The following RNF212B variants were observed in gnomAD, a reference collection of about 807,000 sequenced individuals.
RNF212B encodes E3 ubiquitin-protein ligase RNF212B.
A neutral mutation model predicts 55.5 loss-of-function variants in RNF212B; 52 were observed. The observed-to-expected ratio is 0.94, with a 90% CI of 0.75 to 1.18. The LOEUF (loss-of-function observed/expected upper bound fraction) is 1.18. Ranked by LOEUF, RNF212B falls within the 50% of genes most tolerant of loss-of-function variation. The probability of loss-of-function intolerance (pLI) is 0.00; values close to 1 mark genes in which losing one functional copy is unlikely to be tolerated. For missense variants in RNF212B, 289 were observed against 350.4 expected (o/e 0.82, Z 1.40); for synonymous variants, 99 against 121.4 (o/e 0.82, Z 1.21).
At chr14:23,190,123 C>A (rs1269315211) in intron 1 of RNF212B, among the ~76,000 whole-genome samples, 2 of 152,118 alleles carry the variant, frequency 1.3e-5, no homozygotes, top group African/African-American at 4.8e-5. Flanking sequence ...TCATTTGTCT[C>A]TTTTTAGGCT....
intron 2 of RNF212B, among the ~76,000 whole-genome samples, chr14:23,214,314 T>C (rs567999715): frequency 6.6e-6 from 1 of 152,122 alleles, no homozygotes; most frequent in Admixed American, 6.6e-5. Context: ...GCCAACATAG[T>C]GAAACCCCGT....
chr14:23,233,177 A>G (rs1882840574), upstream of RNF212B, among the ~76,000 whole-genome samples: 2 of 152,166 alleles, frequency 1.3e-5, no homozygotes, highest in South Asian at 4.1e-4. Flanking sequence ...GCGGTGCAAG[A>G]TGTGCTTTGT....
upstream of RNF212B, among the ~76,000 whole-genome samples, chr14:23,237,170 C>G (rs1380678553): frequency 6.6e-6 from 1 of 151,202 alleles, no homozygotes; most frequent in East Asian, 1.9e-4. Flanking sequence ...CTCTCTGTCT[C>G]CCAGGCTGAA....
At chr14:23,252,746 T>G (rs542682099) in intron 4 of RNF212B, among the ~76,000 whole-genome samples, 25 of 152,290 alleles carry the variant, frequency 1.6e-4, no homozygotes, top group African/African-American at 5.8e-4. Context: ...GTGGGGGTCT[T>G]TAGACTCACT....
intron 7 of RNF212B, 79 bp downstream of exon 7, chr14:23,260,766 TGAGA>T (rs57751160): frequency 0.022 from 26,993 of 1,252,244 alleles, 880 homozygotes; most frequent in African/African-American, 0.12. Flanking sequence ...GTGTGAACTC[TGAGA>T]GAGAGAAAAT....
chr14:23,209,236 A>C (rs756396430), intron 2 of RNF212B, among the ~76,000 whole-genome samples: 1 of 152,142 alleles, frequency 6.6e-6, no homozygotes, highest in Admixed American at 6.5e-5. Flanking sequence ...TCTCGTAGCC[A>C]TTTTGGTTTT....
intron 2 of RNF212B, among the ~76,000 whole-genome samples, chr14:23,216,300 C>T (rs1881069002): frequency 6.6e-6 from 1 of 151,742 alleles, no homozygotes; most frequent in Admixed American, 6.6e-5. Flanking sequence ...TGATACATTC[C>T]AAAACATTAT....
chr14:23,270,738 A>G, intron 14 of RNF212B, 77 bp downstream of exon 14: 1 of 933,262 alleles, frequency 1.1e-6, no homozygotes, highest in Non-Finnish European at 1.7e-6. Context: ...GCCTCAGGGT[A>G]GTGGAATATA....
Position 23,246,463 on chromosome 14 carries a change from T to A in RNF212B, c.228+2067T>A, listed in dbSNP as rs193241107. 7.1e-3 allele frequency among the ~76,000 whole-genome samples: 1,088 copies of A among 152,324 alleles called. 16 individuals are homozygous for A. The highest frequency in any genetic ancestry group is 0.025 in the African/African-American group (1,038 of 41,578). On this transcript the variant is annotated intron_variant, in intron 4 of 14. Transcript: ENST00000430154. ...ATGACCAACTCGGCCTGCTAACTTA[T>A]AGCTTTATTTCTTTGAACCAGTCAT... is the stretch of plus-strand genomic sequence containing the variant.
At chr14:23,219,741 G>A (rs1189354547) in intron 2 of RNF212B, among the ~76,000 whole-genome samples, 1 of 151,844 alleles carries the variant, frequency 6.6e-6, no homozygotes, top group East Asian at 1.9e-4. Context: ...CAAAGTGCTG[G>A]GATTACAGAC....
At chr14:23,256,269 T>A (rs963030052) in intron 4 of RNF212B, among the ~76,000 whole-genome samples, 7 of 152,098 alleles carry the variant, frequency 4.6e-5, no homozygotes, top group Admixed American at 4.6e-4. Context: ...GTGATTTGGC[T>A]GTCTATTATA....
intron 1 of RNF212B, among the ~76,000 whole-genome samples, chr14:23,192,495 T>A (rs1473313700): frequency 7.4e-6 from 1 of 134,234 alleles, no homozygotes; most frequent in Non-Finnish European, 1.5e-5. Flanking sequence ...ATGAGAACAC[T>A]TGGACACAGG....
In RNF212B at chr14:23,240,442, C is replaced by G. The variant is rs1883488686; in HGVS notation, c.97C>G (p.Leu33Val). 1.3e-6 allele frequency: 2 copies of G among 1,542,256 alleles called. No individual in the cohort carries two copies. Among genetic ancestry groups the G allele is most frequent in the Middle Eastern group, 1.7e-4 (1 of 5,974 alleles). ...TATTTTCTGTAAAAAGTGTGTGACT[C>G]TGGGTGAGTGACTCAACTGTTTTCA... ...GHIFCKKCVTLEKCAVCGTAC... is the reference protein window; with the variant it reads ...GHIFCKKCVTVEKCAVCGTAC... Residue 33 changes from leucine to valine, a missense_variant, in exon 2 of 15, where the codon CTG (leucine) becomes GTG (valine). Transcript: ENST00000430154.
chr14:23,208,130 T>G (rs1880029798), intron 2 of RNF212B, among the ~76,000 whole-genome samples: 1 of 152,174 alleles, frequency 6.6e-6, no homozygotes, highest in Non-Finnish European at 1.5e-5. Context: ...CCCCAAGATT[T>G]ATTTCCTTTC....
At chr14:23,249,174 T>C (rs1463130430) in intron 4 of RNF212B, among the ~76,000 whole-genome samples, 3 of 152,252 alleles carry the variant, frequency 2.0e-5, no homozygotes, top group African/African-American at 7.2e-5. Flanking sequence ...TTGCTACATA[T>C]ACTGTTGGAA....
chr14:23,210,415 C>A (rs764230589), intron 2 of RNF212B, among the ~76,000 whole-genome samples: 9 of 152,174 alleles, frequency 5.9e-5, no homozygotes, highest in Admixed American at 2.0e-4. Context: ...GAGATTTGAA[C>A]AAAGTCTGGA....
intron 5 of RNF212B, chr14:23,259,323 G>C (rs1885115125): frequency 6.6e-6 from 1 of 151,198 alleles, no homozygotes; most frequent in Non-Finnish European, 1.5e-5. Context: ...CAAGTAGCTG[G>C]GACTACAAGT....
chr14:23,258,677 T>C lies in RNF212B; in HGVS notation c.344+13T>C. ...TGAGCCAGGACAAGTAAGTAACAAA[T>C]CAAGTCCCAAGAGAGCTTTTTTTTT... On this transcript the variant is annotated intron_variant, in intron 5 of 14. Coordinates refer to ENST00000430154, the MANE Select transcript of RNF212B (RefSeq NM_001282322.3). 9.6e-7 allele frequency: 1 copy of C among 1,038,336 alleles called. No individual in the cohort carries two copies. The highest frequency in any genetic ancestry group is 1.4e-6 in the Non-Finnish European group (1 of 727,618). The allele number at this position is 1,038,336 out of a possible 1,614,324, so 64.3% of individuals were successfully genotyped here.
intron 7 of RNF212B, among the ~76,000 whole-genome samples, chr14:23,262,035 T>A (rs1885334948): frequency 6.6e-6 from 1 of 152,086 alleles, no homozygotes; most frequent in South Asian, 2.1e-4. Context: ...ACATATATAT[T>A]TTTTAATATC....
Sources: gnomAD v4.1 joint callset for allele counts (sites outside exome capture counted in the v4.1 genomes callset) on GRCh38, gnomAD v4.1.1 for gene constraint, MANE v1.5 for transcripts, NCBI Gene and HGNC (gene_info 2026-07-23, HGNC 2026-07-21) for gene names.